TMEM154: variants seen among roughly 807,000 people sequenced by gnomAD.
The protein encoded by TMEM154 is transmembrane protein 154.
TMEM154 carries 27 observed loss-of-function variants against 24.5 expected under a neutral mutation model. The ratio of observed to expected loss-of-function variants is 1.10; its 90% confidence interval spans 0.81 to 1.52. The LOEUF (loss-of-function observed/expected upper bound fraction) is 1.52. Ranked by LOEUF, TMEM154 falls within the 40% of genes most tolerant of loss-of-function variation. The pLI is 0.00. For missense variants in TMEM154, 228 were observed against 213.4 expected (o/e 1.07, Z -0.43); for synonymous variants, 67 against 76.8 (o/e 0.87, Z 0.67).
intron 6 of TMEM154, among the ~76,000 whole-genome samples, chr4:152,640,114 T>G (rs1300494855): frequency 1.3e-5 from 2 of 152,150 alleles, no homozygotes; most frequent in Non-Finnish European, 2.9e-5. Flanking sequence ...AGACTTCTGG[T>G]GAACATGGAG....
At chr4:152,631,996 G>A (rs1430460966) in intron 6 of TMEM154, among the ~76,000 whole-genome samples, 2 of 151,146 alleles carry the variant, frequency 1.3e-5, no homozygotes, top group Non-Finnish European at 3.0e-5. Context: ...TTTAGTAGAG[G>A]TGGGGTTTCA....
Position 152,628,416 on chromosome 4 carries a change from C to G in TMEM154, c.*130G>C. On this transcript the variant is annotated 3_prime_UTR_variant, in exon 7 of 7. Transcript: ENST00000304385. ...TAGGAAGAGTGGGCGTTGGAAGAAA[C>G]AGCAAAAGGTTCTTGTGTCTATGTT... 2 of 1,461,426 alleles carry G rather than the reference C, an allele frequency of 1.4e-6. No homozygotes were observed. The highest frequency in any genetic ancestry group is 1.9e-6 in the Non-Finnish European group (2 of 1,059,244). The allele number at this position is 1,461,426 out of a possible 1,614,324, so 90.5% of individuals were successfully genotyped here. A position where few individuals can be genotyped will look rare whatever the true frequency, so the allele number is the denominator to read the frequency against.
chr4:152,664,597 T>G (rs1728680641), intron 1 of TMEM154, among the ~76,000 whole-genome samples: 1 of 152,126 alleles, frequency 6.6e-6, no homozygotes, highest in Non-Finnish European at 1.5e-5. Flanking sequence ...GCTTTTAAAG[T>G]TAGAAGAAGA....
chr4:152,660,495 C>T (rs577339847), intron 1 of TMEM154, among the ~76,000 whole-genome samples: 1 of 151,998 alleles, frequency 6.6e-6, no homozygotes, highest in Non-Finnish European at 1.5e-5. Flanking sequence ...GCCTTGTACC[C>T]GGATTATCGA....
rs191939358 is a variant in TMEM154, at chr4:152,673,145, T to C, written c.64+6725A>G. 5.9e-5 allele frequency among the ~76,000 whole-genome samples: 9 copies of C among 152,342 alleles called. No individual in the cohort carries two copies. In the East Asian group the frequency reaches 1.5e-3, roughly 26 times the overall value. Reference sequence around the variant, plus strand: ...TAATTATTGTCCTAAAGTTACTGTGTATCATTCCCACTTTTCAAACATGTC... The same window carrying C: ...TAATTATTGTCCTAAAGTTACTGTGCATCATTCCCACTTTTCAAACATGTC... On this transcript the variant is annotated intron_variant, in intron 1 of 6. Transcript: ENST00000304385.
chr4:152,674,327 AG>A (rs60549456), intron 1 of TMEM154, among the ~76,000 whole-genome samples: 116,702 of 151,986 alleles, frequency 0.77, 48,412 homozygotes, highest in East Asian at 0.97. Flanking sequence ...AAGAAAAAAA[AG>A]TCACTGAAAT....
chr4:152,644,332 A>G (rs772056482), intron 4 of TMEM154, 83 bp downstream of exon 4: 47 of 1,515,660 alleles, frequency 3.1e-5, no homozygotes, highest in Admixed American at 1.9e-4. Flanking sequence ...ATGTCAGAAC[A>G]AAAACACCTG....
chr4:152,657,876 G>A (rs1308101233), intron 1 of TMEM154, among the ~76,000 whole-genome samples: 1 of 152,114 alleles, frequency 6.6e-6, no homozygotes, highest in Non-Finnish European at 1.5e-5. Flanking sequence ...TCTATACCCA[G>A]CAAAGTTATC....
chr4:152,639,560 G>A (rs1386627460), intron 6 of TMEM154, among the ~76,000 whole-genome samples: 3 of 150,956 alleles, frequency 2.0e-5, no homozygotes, highest in African/African-American at 7.4e-5. Flanking sequence ...CCACCTGCTT[G>A]TTAATCAATC....
chr4:152,634,847 C>A (rs970445836), intron 6 of TMEM154, among the ~76,000 whole-genome samples: 1 of 152,144 alleles, frequency 6.6e-6, no homozygotes, highest in Admixed American at 6.5e-5. Context: ...ATTTTTTTGA[C>A]TTTACAATGG....
chr4:152,679,537 T>TG lies in TMEM154; in HGVS notation c.64+332_64+333insC, dbSNP rs949890319. 2.0e-4 allele frequency among the ~76,000 whole-genome samples: 3 copies of TG among 15,104 alleles called. No individual in the cohort carries two copies. In the Non-Finnish European group the frequency reaches 4.6e-3, roughly 23 times the overall value. The allele number at this position is 15,104 out of a possible 152,430, so 9.9% of individuals were successfully genotyped here. Reference sequence around the variant, plus strand: ...CTGTTTCAGCCAATTGAAGCTTTTGTTTTTTTTTACATAAACTGCCAAAAA... The same window carrying TG: ...CTGTTTCAGCCAATTGAAGCTTTTGTGTTTTTTTTACATAAACTGCCAAAAA... On this transcript the variant is annotated intron_variant, in intron 1 of 6. Transcript: ENST00000304385.
intron 1 of TMEM154, among the ~76,000 whole-genome samples, chr4:152,678,146 G>C (rs938116210): frequency 1.3e-5 from 2 of 152,134 alleles, no homozygotes; most frequent in Non-Finnish European, 2.9e-5. Context: ...ACAACTGGAA[G>C]GAGGTGCCAC....
At position 152,626,748 on chromosome 4, in the gene TMEM154, A is replaced by G. The variant is rs1751929707; in HGVS notation, c.*1798T>C. 1 of 152,222 alleles carries G rather than the reference A, an allele frequency of 6.6e-6. No homozygotes were observed. Among genetic ancestry groups the G allele is most frequent in the African/African-American group, 2.4e-5 (1 of 41,460 alleles). 9.4% of individuals were successfully genotyped at this position (152,222 alleles called of 1,614,324 possible). A position where few individuals can be genotyped will look rare whatever the true frequency, so the allele number is the denominator to read the frequency against. On this transcript the variant is annotated 3_prime_UTR_variant, in exon 7 of 7. Coordinates refer to ENST00000304385, the MANE Select transcript of TMEM154 (RefSeq NM_152680.3). The stretch of plus-strand genomic sequence containing the variant: ...AGGTGTTCAAAGATCTTAGATACCT[A>G]AAGAGAGAAAGGGGCAAATGGAGGC...
chr4:152,619,921 G>A lies in TMEM154; in HGVS notation c.*8625C>T, dbSNP rs1205025083. 1 of 152,198 alleles carries A rather than the reference G, an allele frequency of 6.6e-6. No individual in the cohort carries two copies. Among genetic ancestry groups the A allele is most frequent in the Non-Finnish European group, 1.5e-5 (1 of 68,044 alleles). The allele number at this position is 152,198 out of a possible 1,614,324, so 9.4% of individuals were successfully genotyped here. A position where few individuals can be genotyped will look rare whatever the true frequency, so the allele number is the denominator to read the frequency against. ...TTGTTTTAAGCTGCTAAGTTTTGAG[G>A]TGTTTAAGCAGCAATAGACTGCTGA... On this transcript the variant is annotated 3_prime_UTR_variant, in exon 7 of 7. Coordinates refer to ENST00000304385, the MANE Select transcript of TMEM154 (RefSeq NM_152680.3).
rs146600285 is a variant in TMEM154 at position 152,674,453 on chromosome 4, T to C, written c.64+5417A>G. Among the ~76,000 whole-genome samples, 1,241 of 152,296 alleles carry C rather than the reference T, an allele frequency of 8.1e-3. 16 individuals are homozygous for C. Among genetic ancestry groups the C allele is most frequent in the African/African-American group, 0.026 (1,093 of 41,558 alleles). ...TTTCAATTTGGATTGCTCTATTCCTTTCTTCTTTCTTGAGGGCAATCAGTT... is the reference window on the plus strand; with the variant it reads ...TTTCAATTTGGATTGCTCTATTCCTCTCTTCTTTCTTGAGGGCAATCAGTT... On this transcript the variant is annotated intron_variant, in intron 1 of 6. Coordinates refer to ENST00000304385, the MANE Select transcript of TMEM154 (RefSeq NM_152680.3).
rs1219415379 is a variant in TMEM154 at position 152,679,702 on chromosome 4, C to T, written c.64+168G>A. ...ACAGCTGCAGCGAAAGCGAAGTCCC[C>T]TCTCCATCCCACCCCCCAAAAAAAG... On this transcript the variant is annotated intron_variant, in intron 1 of 6. Transcript: ENST00000304385. 34 of 382,002 alleles carry T rather than the reference C, an allele frequency of 8.9e-5. No homozygotes were observed. The Admixed American group carries it at 2.2e-3, about 25-fold the overall frequency. The allele number at this position is 382,002 out of a possible 1,614,324, so 23.7% of individuals were successfully genotyped here.
At chr4:152,653,848 G>A (rs1224350089) in intron 1 of TMEM154, among the ~76,000 whole-genome samples, 1 of 151,276 alleles carries the variant, frequency 6.6e-6, no homozygotes, top group Non-Finnish European at 1.5e-5. Flanking sequence ...AGACCAGCCT[G>A]ACCAACATGG....
At position 152,624,631 on chromosome 4, in the gene TMEM154, A is replaced by G. The variant is rs2149775540; in HGVS notation, c.*3915T>C. ...AAGAAAAATAAAAAAAAACACCCAA[A>G]AACTATCCCCAAGAGGACTAAGAAG... is the stretch of plus-strand genomic sequence containing the variant. On this transcript the variant is annotated 3_prime_UTR_variant, in exon 7 of 7. Coordinates refer to ENST00000304385, the MANE Select transcript of TMEM154 (RefSeq NM_152680.3). 1 of 152,200 alleles carries G rather than the reference A, an allele frequency of 6.6e-6. No homozygotes were observed. 9.4% of individuals were successfully genotyped at this position (152,200 alleles called of 1,614,324 possible). A position where few individuals can be genotyped will look rare whatever the true frequency, so the allele number is the denominator to read the frequency against.
rs1428931479 is a variant in TMEM154 at position 152,625,092 on chromosome 4, G to C, written c.*3454C>G. ...CTATGTTTTCTTTAGTCAACATAAG[G>C]CCTTTTTTCAGAGATGGTGTGAATT... On this transcript the variant is annotated 3_prime_UTR_variant, in exon 7 of 7. Coordinates refer to ENST00000304385, the MANE Select transcript of TMEM154 (RefSeq NM_152680.3). 7.0e-6 allele frequency: 1 copy of C among 143,806 alleles called. No homozygotes were observed. Among genetic ancestry groups the C allele is most frequent in the Non-Finnish European group, 1.6e-5 (1 of 63,310 alleles). 8.9% of individuals were successfully genotyped at this position (143,806 alleles called of 1,614,324 possible). A position where few individuals can be genotyped will look rare whatever the true frequency, so the allele number is the denominator to read the frequency against.
Sources: gnomAD v4.1 joint callset for allele counts (sites outside exome capture counted in the v4.1 genomes callset) on GRCh38, gnomAD v4.1.1 for gene constraint, MANE v1.5 for transcripts, NCBI Gene and HGNC (gene_info 2026-07-23, HGNC 2026-07-21) for gene names.